Variants in KHDRBS2 observed in about 807,000 individuals in gnomAD.
The protein encoded by KHDRBS2 is KH domain-containing, RNA-binding, signal transduction-associated protein 2.
In KHDRBS2, 26 loss-of-function variants were observed where a neutral mutation model predicts 44.3. The ratio of observed to expected loss-of-function variants is 0.59; its 90% CI spans 0.43 to 0.81. KHDRBS2 has a LOEUF of 0.81. Ranked by LOEUF, KHDRBS2 falls within the 40% of genes least tolerant of loss-of-function variation. The pLI, the probability that KHDRBS2 is intolerant of heterozygous loss-of-function variation, is 0.00. For synonymous variants in KHDRBS2, 194 were observed against 151.1 expected (o/e 1.28, Z -2.08); for missense variants, 476 against 433.1 (o/e 1.10, Z -0.88).
chr6:62,260,856 C>A (rs888520190), intron 1 of KHDRBS2, among the ~76,000 whole-genome samples: 1 of 151,616 alleles, frequency 6.6e-6, no homozygotes, highest in East Asian at 1.9e-4. Flanking sequence ...ATATAAGAAC[C>A]GGGCAAAATT....
At chr6:62,253,906 C>T (rs1233181012) in intron 1 of KHDRBS2, among the ~76,000 whole-genome samples, 2 of 151,886 alleles carry the variant, frequency 1.3e-5, no homozygotes, top group Non-Finnish European at 1.5e-5. Flanking sequence ...ATTTACATAG[C>T]CCTGAGGACT....
chr6:61,750,803 G>A (rs1777571468), intron 6 of KHDRBS2, among the ~76,000 whole-genome samples: 1 of 150,470 alleles, frequency 6.6e-6, no homozygotes. Context: ...ACATCATCAC[G>A]GGAGTAGTCA....
chr6:62,200,927 T>C (rs962611338), intron 1 of KHDRBS2, among the ~76,000 whole-genome samples: 15 of 152,064 alleles, frequency 9.9e-5, no homozygotes, highest in African/African-American at 2.7e-4. Context: ...GAGTTCATGT[T>C]CTTTGTAGGG....
At chr6:62,004,439 T>A (rs1185483808) in intron 3 of KHDRBS2, among the ~76,000 whole-genome samples, 4 of 151,410 alleles carry the variant, frequency 2.6e-5, no homozygotes, top group African/African-American at 9.7e-5. Context: ...TACACCCTCC[T>A]AATACACCTT....
At chr6:62,176,161 CAATTT>C (rs1210975060) in intron 2 of KHDRBS2, among the ~76,000 whole-genome samples, 2 of 151,160 alleles carry the variant, frequency 1.3e-5, no homozygotes. Context: ...TAAGACTGCC[CAATTT>C]AATATTCAAG....
chr6:61,862,352 T>C (rs900281895), intron 6 of KHDRBS2, among the ~76,000 whole-genome samples: 7 of 152,104 alleles, frequency 4.6e-5, no homozygotes, highest in African/African-American at 1.2e-4. Flanking sequence ...CTTCCAATAC[T>C]ATGTAGAATA....
chr6:62,283,851 G>A (rs1438817765), intron 1 of KHDRBS2, among the ~76,000 whole-genome samples: 5 of 152,022 alleles, frequency 3.3e-5, no homozygotes, highest in Non-Finnish European at 1.5e-5. Flanking sequence ...GCACCCTTTT[G>A]CATAACTCTT....
chr6:62,099,200 AT>A (rs1186042746), intron 2 of KHDRBS2, among the ~76,000 whole-genome samples: 1 of 152,098 alleles, frequency 6.6e-6, no homozygotes, highest in Admixed American at 6.6e-5. Context: ...CTTAATGCTT[AT>A]GAGTATATAA....
chr6:62,063,865 G>A (rs1407224902), intron 2 of KHDRBS2, among the ~76,000 whole-genome samples: 2 of 135,388 alleles, frequency 1.5e-5, no homozygotes, highest in African/African-American at 5.5e-5. Context: ...TGACATGATT[G>A]TATATCTAGA....
At chr6:61,854,304 G>A (rs1258360868) in intron 6 of KHDRBS2, among the ~76,000 whole-genome samples, 2 of 151,754 alleles carry the variant, frequency 1.3e-5, no homozygotes, top group Non-Finnish European at 2.9e-5. Flanking sequence ...TATCTTTAAT[G>A]TATGCCTTTT....
At chr6:61,735,971 A>G (rs1775257835) in intron 6 of KHDRBS2, among the ~76,000 whole-genome samples, 1 of 151,950 alleles carries the variant, frequency 6.6e-6, no homozygotes, top group South Asian at 2.1e-4. Flanking sequence ...CTGTTCTGAA[A>G]TTACAGAATG....
At chr6:61,747,865 T>C (rs1190044289) in intron 6 of KHDRBS2, among the ~76,000 whole-genome samples, 1 of 152,184 alleles carries the variant, frequency 6.6e-6, no homozygotes, top group African/African-American at 2.4e-5. Context: ...CCCAGAATGT[T>C]GTTTTCTATT....
In KHDRBS2 at chr6:61,886,943, G is replaced by T. The variant is rs543669578; in HGVS notation, c.810+7692C>A. On this transcript the variant is annotated intron_variant, in intron 6 of 8. Coordinates refer to ENST00000281156, the MANE Select transcript of KHDRBS2 (RefSeq NM_152688.4). The stretch of plus-strand genomic sequence containing the variant: ...CTTCATGCAGGTATAAATACTGGGA[G>T]ATGTCCTAAGTATTGCTGAGGGGAC... Among the ~76,000 whole-genome samples, 238 of 152,258 alleles carry T rather than the reference G, an allele frequency of 1.6e-3. 7 individuals are homozygous for T. In the South Asian group the frequency reaches 0.045, roughly 29 times the overall value.
chr6:61,873,760 CTT>C (rs1798999532), intron 6 of KHDRBS2, among the ~76,000 whole-genome samples: 1 of 151,596 alleles, frequency 6.6e-6, no homozygotes, highest in Non-Finnish European at 1.5e-5. Flanking sequence ...AACCTTAAAA[CTT>C]AAAATATGCA....
intron 3 of KHDRBS2, among the ~76,000 whole-genome samples, chr6:62,017,932 T>TA: frequency 6.6e-6 from 1 of 151,996 alleles, no homozygotes; most frequent in Non-Finnish European, 1.5e-5. Context: ...CAATTTGATA[T>TA]AAAAAATTTA....
At chr6:62,072,560 A>C (rs544379735) in intron 2 of KHDRBS2, among the ~76,000 whole-genome samples, 11 of 152,238 alleles carry the variant, frequency 7.2e-5, no homozygotes, top group African/African-American at 2.6e-4. Flanking sequence ...AGGGTTGTTG[A>C]ATTTTGTCAA....
the KHDRBS2 span, among the ~76,000 whole-genome samples, chr6:61,570,930 T>C: frequency 2.0e-5 from 3 of 152,012 alleles, no homozygotes; most frequent in Non-Finnish European, 2.9e-5. Context: ...TATATCTTGA[T>C]ACAAAACCTT....
chr6:62,045,811 A>G (rs1486584104), intron 3 of KHDRBS2, among the ~76,000 whole-genome samples: 4 of 151,956 alleles, frequency 2.6e-5, no homozygotes, highest in Admixed American at 2.6e-4. Context: ...TCAATAATTT[A>G]CCAAGGATTT....
At chr6:61,623,790 T>C in the KHDRBS2 span, among the ~76,000 whole-genome samples, 1 of 152,060 alleles carries the variant, frequency 6.6e-6, no homozygotes, top group Non-Finnish European at 1.5e-5. Context: ...GAAGGGAAAA[T>C]AGCCTGTCTA....
Sources: gnomAD v4.1 joint callset for allele counts (sites outside exome capture counted in the v4.1 genomes callset) on GRCh38, gnomAD v4.1.1 for gene constraint, MANE v1.5 for transcripts, NCBI Gene and HGNC (gene_info 2026-07-23, HGNC 2026-07-21) for gene names.